The following RAPGEF4 variants were observed in gnomAD, a reference collection of about 807,000 sequenced individuals.
RAPGEF4 encodes the protein RAP guanine-nucleotide-exchange factor (GEF) 4.
In RAPGEF4, 66 loss-of-function variants were observed where a neutral mutation model predicts 147.9. The observed-to-expected ratio is 0.45, with a 90% CI of 0.37 to 0.55. The LOEUF (loss-of-function observed/expected upper bound fraction) is 0.55. Among genes scored for constraint, RAPGEF4 ranks in the 20% least tolerant of loss-of-function variants. The pLI, the probability that RAPGEF4 is intolerant of heterozygous loss-of-function variation, is 0.00. For synonymous variants in RAPGEF4, 419 were observed against 442.7 expected, an observed-to-expected ratio of 0.95 and a Z score of 0.67; for missense variants, 1,071 against 1,257.3, an observed-to-expected ratio of 0.85 and a Z score of 2.24.
Position 172,735,962 on chromosome 2 carries a change from A to T in RAPGEF4, c.-22A>T. The T allele has an allele frequency of 6.9e-7, 1 of 1,452,772 alleles. No individual in the cohort carries two copies. The highest frequency in any genetic ancestry group is 9.1e-7 in the Non-Finnish European group (1 of 1,100,042). 90.0% of individuals were successfully genotyped at this position (1,452,772 alleles called of 1,614,324 possible). A position where few individuals can be genotyped will look rare whatever the true frequency, so the allele number is the denominator to read the frequency against. ...GCGCGGGAGGTCGCCGCAGCCAGGG[A>T]CACCGCGCGCCGCCGCTCAACATGG... On this transcript the variant is annotated 5_prime_UTR_variant, in exon 1 of 31. Coordinates refer to ENST00000397081, the MANE Select transcript of RAPGEF4 (RefSeq NM_007023.4).
At position 173,048,606 on chromosome 2, in the gene RAPGEF4, A is replaced by T; in HGVS notation, c.2860A>T (p.Ile954Phe). ...TTTTCTATATTCCTTTTAGCGCATG[A>T]TTGCAAATACGGCCAGAACAGTGAG... Reference protein sequence around the residue: ...NLVNFEKMRMIANTARTVRYY... With the variant: ...NLVNFEKMRMFANTARTVRYY... Residue 954 changes from isoleucine (I) to phenylalanine (F), a missense_variant, in exon 30 of 31, where the codon ATT becomes TTT. Ile to Phe is a conservative substitution (Grantham distance 21). Coordinates refer to ENST00000397081, the MANE Select transcript of RAPGEF4 (RefSeq NM_007023.4). 1 of 1,614,112 alleles carries T rather than the reference A, an allele frequency of 6.2e-7. No homozygotes were observed. The highest frequency in any genetic ancestry group is 1.1e-5 in the South Asian group (1 of 91,082).
At chr2:172,770,995 C>T (rs1382061221) in intron 1 of RAPGEF4, among the ~76,000 whole-genome samples, 1 of 152,010 alleles carries the variant, frequency 6.6e-6, no homozygotes, top group East Asian at 1.9e-4. Context: ...TCAGTTGTTG[C>T]AGAATATAGC....
At chr2:172,891,410 TCTC>T (rs1559101480) in intron 4 of RAPGEF4, among the ~76,000 whole-genome samples, 1 of 152,210 alleles carries the variant, frequency 6.6e-6, no homozygotes, top group East Asian at 1.9e-4. Flanking sequence ...TCCTTTTCCT[TCTC>T]CTTCTCCTTT....
intron 29 of RAPGEF4, among the ~76,000 whole-genome samples, chr2:173,047,226 C>T (rs1685586519): frequency 1.3e-5 from 2 of 152,194 alleles, no homozygotes; most frequent in South Asian, 4.1e-4. Context: ...GCGTAGGTCT[C>T]ATCAGTGTTT....
intron 29 of RAPGEF4, among the ~76,000 whole-genome samples, chr2:173,043,866 G>A (rs1042546974): frequency 1.3e-5 from 2 of 152,220 alleles, no homozygotes; most frequent in South Asian, 2.1e-4. Flanking sequence ...GTGCCAGGCC[G>A]AGGTGCAGAC....
At chr2:172,835,266 A>G (rs1276106690) in intron 4 of RAPGEF4, among the ~76,000 whole-genome samples, 1 of 152,240 alleles carries the variant, frequency 6.6e-6, no homozygotes. Flanking sequence ...GAGGACAGAT[A>G]TGCAGTTGCT....
intron 6 of RAPGEF4, among the ~76,000 whole-genome samples, chr2:172,938,244 CAG>C (rs1491188080): frequency 6.6e-6 from 1 of 151,290 alleles, no homozygotes; most frequent in Non-Finnish European, 1.5e-5. Flanking sequence ...CACACACACA[CAG>C]ACAACCATCT....
intron 1 of RAPGEF4, among the ~76,000 whole-genome samples, chr2:172,762,397 A>G (rs1460373351): frequency 6.6e-6 from 1 of 152,088 alleles, no homozygotes; most frequent in East Asian, 1.9e-4. Flanking sequence ...AGAATCACAT[A>G]TTTATCACTG....
chr2:172,984,241 A>G (rs1172181599), intron 11 of RAPGEF4, among the ~76,000 whole-genome samples: 1 of 152,178 alleles, frequency 6.6e-6, no homozygotes, highest in African/African-American at 2.4e-5. Context: ...TAATAAGTTA[A>G]GAAGAATGAA....
At chr2:172,886,762 T>TC (rs1389859188) in intron 4 of RAPGEF4, among the ~76,000 whole-genome samples, 1 of 152,038 alleles carries the variant, frequency 6.6e-6, no homozygotes, top group Non-Finnish European at 1.5e-5. Flanking sequence ...ATTTTACTAT[T>TC]TTTTTTTCTT....
Position 172,814,377 on chromosome 2 carries a change from C to G in RAPGEF4, c.396C>G (p.Ser132Arg), listed in dbSNP as rs1227126812. ...ATGCAACCATCGTTACCAGGGAGAG[C>G]AGTGAACTGCTCCGCATCGAGCAGA... ...PRHATIVTRE[S>R]SELLRIEQKD... is the part of the protein sequence containing the mutation. Residue 132 changes from serine (S) to arginine (R), a missense_variant, in exon 4 of 31, where the codon AGC (serine) becomes AGG (arginine). Transcript: ENST00000397081. 6.2e-7 allele frequency: 1 copy of G among 1,614,130 alleles called. No individual in the cohort carries two copies. Among genetic ancestry groups the G allele is most frequent in the South Asian group, 1.1e-5 (1 of 91,082 alleles).
intron 21 of RAPGEF4, among the ~76,000 whole-genome samples, chr2:173,018,242 G>A (rs570667056): frequency 1.5e-4 from 23 of 152,328 alleles, no homozygotes; most frequent in African/African-American, 4.3e-4. Context: ...GTGTCAGCAC[G>A]TGCTCATGGC....
At chr2:173,008,108 A>G (rs1441764718) in intron 17 of RAPGEF4, among the ~76,000 whole-genome samples, 1 of 152,078 alleles carries the variant, frequency 6.6e-6, no homozygotes, top group African/African-American at 2.4e-5. Flanking sequence ...GTGAGTTCTC[A>G]TGAGATCTGA....
chr2:172,797,886 T>C (rs574875573), intron 3 of RAPGEF4, among the ~76,000 whole-genome samples: 2 of 152,194 alleles, frequency 1.3e-5, no homozygotes, highest in African/African-American at 4.8e-5. Flanking sequence ...TATTTGGAAA[T>C]GCAAGCAATT....
chr2:172,870,075 C>T (rs997203468), intron 4 of RAPGEF4, among the ~76,000 whole-genome samples: 2 of 152,110 alleles, frequency 1.3e-5, no homozygotes, highest in Admixed American at 6.5e-5. Flanking sequence ...TCCCGAGTCC[C>T]GCTGCCTTCC....
At chr2:172,814,735 C>A in intron 4 of RAPGEF4, 1 of 353,450 alleles carries the variant, frequency 2.8e-6, no homozygotes, top group Non-Finnish European at 5.4e-6. Flanking sequence ...TATTCTTAAC[C>A]AGGGAACAAA....
chr2:172,858,185 C>A (rs939621387), intron 4 of RAPGEF4, among the ~76,000 whole-genome samples: 1 of 152,156 alleles, frequency 6.6e-6, no homozygotes, highest in Non-Finnish European at 1.5e-5. Flanking sequence ...TATGCTCCTT[C>A]TTGACTGTTT....
intron 6 of RAPGEF4, among the ~76,000 whole-genome samples, chr2:172,925,784 A>T (rs1217583546): frequency 6.9e-6 from 1 of 144,826 alleles, no homozygotes; most frequent in Admixed American, 6.9e-5. Context: ...AGAAAGAGAG[A>T]GAGAGAGAGA....
At chr2:172,943,788 G>A (rs1687404130) in intron 6 of RAPGEF4, among the ~76,000 whole-genome samples, 1 of 152,142 alleles carries the variant, frequency 6.6e-6, no homozygotes, top group African/African-American at 2.4e-5. Context: ...CATAACCTGA[G>A]AACAGTTGTT....
Sources: gnomAD v4.1 joint callset for allele counts (sites outside exome capture counted in the v4.1 genomes callset) on GRCh38, gnomAD v4.1.1 for gene constraint, MANE v1.5 for transcripts, NCBI Gene and HGNC (gene_info 2026-07-23, HGNC 2026-07-21) for gene names.